The following ZNF416 variants were observed in gnomAD, a reference collection of about 807,000 sequenced individuals.
ZNF416 encodes zinc finger protein 416.
In ZNF416, 5 loss-of-function variants were observed where a neutral mutation model predicts 10.9. That is an observed-to-expected ratio of 0.46 (90% CI 0.24 to 0.97). The LOEUF (loss-of-function observed/expected upper bound fraction) is 0.97, where lower values mean the gene tolerates loss of function less well. Ranked by LOEUF, ZNF416 falls within the 50% of genes least tolerant of loss-of-function variation. The probability of loss-of-function intolerance (pLI) is 0.19; values close to 1 mark genes in which losing one functional copy is unlikely to be tolerated. For missense variants in ZNF416, 675 were observed against 715.0 expected, an observed-to-expected ratio of 0.94 and a Z score of 0.64; for synonymous variants, 267 against 251.8, an observed-to-expected ratio of 1.06 and a Z score of -0.57.
At position 57,575,695 on chromosome 19, in the gene ZNF416, C is replaced by G; in HGVS notation, c.202+109G>C. 6.9e-7 allele frequency: 1 copy of G among 1,455,134 alleles called. No homozygotes were observed. The highest frequency in any genetic ancestry group is 9.6e-7 in the Non-Finnish European group (1 of 1,038,016). 90.1% of individuals were successfully genotyped at this position (1,455,134 alleles called of 1,614,324 possible). A position where few individuals can be genotyped will look rare whatever the true frequency, so the allele number is the denominator to read the frequency against. On this transcript the variant is annotated intron_variant, in intron 3 of 3. Transcript: ENST00000196489. The surrounding 1 kb of genome is among the most constrained non-coding windows in gnomAD (Gnocchi z 4.4). Reference sequence around the variant, plus strand: ...TTCATTCCTTACACCACAGCACATACGCCAAGACAGTGGGGAAGTCAGCAA... The same window carrying G: ...TTCATTCCTTACACCACAGCACATAGGCCAAGACAGTGGGGAAGTCAGCAA...
At chr19:57,576,824 G>A (rs1428510055) in intron 2 of ZNF416, among the ~76,000 whole-genome samples, 2 of 152,078 alleles carry the variant, frequency 1.3e-5, no homozygotes, top group Non-Finnish European at 2.9e-5. Context: ...CCAGAGTGCT[G>A]AGTAAGCACT....
In ZNF416 at chr19:57,575,828, T is replaced by C. The variant is rs1978510997; in HGVS notation, c.178A>G (p.Asn60Asp). ...CCCAGCGCAGTTATAAGTGCAAAGTTCTCCAGCATCACATCGCGGTACAGG... is the reference window on the plus strand; with the variant it reads ...CCCAGCGCAGTTATAAGTGCAAAGTCCTCCAGCATCACATCGCGGTACAGG... ...RLLYRDVMLE[N>D]FALITALVCW... The change falls in exon 3 of 4, where the codon AAC (asparagine) becomes GAC (aspartate). Residue 60 changes from asparagine (N) to aspartate (D), a missense_variant. Coordinates refer to ENST00000196489, the MANE Select transcript of ZNF416 (RefSeq NM_017879.3). The surrounding 1 kb of genome is among the most constrained non-coding windows in gnomAD (Gnocchi z 4.4). 6.2e-7 allele frequency: 1 copy of C among 1,613,944 alleles called. No homozygotes were observed. Among genetic ancestry groups the C allele is most frequent in the Non-Finnish European group, 8.5e-7 (1 of 1,179,968 alleles).
Position 57,578,809 on chromosome 19 carries a change from G to C in ZNF416, c.-105C>G, listed in dbSNP as rs1978654745. 7.2e-5 allele frequency: 86 copies of C among 1,196,832 alleles called. No homozygotes were observed. The South Asian group carries it at 1.6e-3, about 23-fold the overall frequency. 74.1% of individuals were successfully genotyped at this position (1,196,832 alleles called of 1,614,324 possible). On this transcript the variant is annotated 5_prime_UTR_variant, in exon 1 of 4. Transcript: ENST00000196489. ...GACCCACCGGCTGATGCGCAGCGGG[G>C]CGACCCCCGCTCTGTGCCGGAGGCA...
In ZNF416 at chr19:57,575,563, G is replaced by T. The variant is rs1476384738; in HGVS notation, c.202+241C>A. Among the ~76,000 whole-genome samples the T allele has an allele frequency of 6.6e-6, 1 of 152,152 alleles. No individual in the cohort carries two copies. The highest frequency in any genetic ancestry group is 2.4e-5 in the African/African-American group (1 of 41,430). On this transcript the variant is annotated intron_variant, in intron 3 of 3. Coordinates refer to ENST00000196489, the MANE Select transcript of ZNF416 (RefSeq NM_017879.3). The surrounding 1 kb of genome is among the most constrained non-coding windows in gnomAD (Gnocchi z 4.4). Reference sequence around the variant, plus strand: ...CACAGCCACCCAAAGAGGAAGTGAAGAAGTAAACGGAGATGCATTAGGCTG... The same window carrying T: ...CACAGCCACCCAAAGAGGAAGTGAATAAGTAAACGGAGATGCATTAGGCTG...
intron 2 of ZNF416, 122 bp downstream of exon 2, chr19:57,577,935 G>T: frequency 9.2e-7 from 1 of 1,086,508 alleles, no homozygotes; most frequent in Non-Finnish European, 1.4e-6. Flanking sequence ...TGGGACTGAT[G>T]TTTGTTCAGG....
chr19:57,575,953 T>C lies in ZNF416; in HGVS notation c.76-23A>G. 1 of 1,609,670 alleles carries C rather than the reference T, an allele frequency of 6.2e-7. No individual in the cohort carries two copies. Among genetic ancestry groups the C allele is most frequent in the Non-Finnish European group, 8.5e-7 (1 of 1,177,484 alleles). ...GCCCTGCCATGATGGGGATAGATCT[T>C]TCCATGATCAGATTCTCTCCTAGGA... On this transcript the variant is annotated intron_variant, in intron 2 of 3. Coordinates refer to ENST00000196489, the MANE Select transcript of ZNF416 (RefSeq NM_017879.3). This position sits in a 1 kb window ranked among gnomAD's most constrained non-coding sequence, Gnocchi z 4.4.
chr19:57,576,689 G>GC (rs1339486223), intron 2 of ZNF416, among the ~76,000 whole-genome samples: 4 of 151,840 alleles, frequency 2.6e-5, no homozygotes, highest in Non-Finnish European at 5.9e-5. Flanking sequence ...TTCAAAGTCT[G>GC]CCCCAGGGGA....
In ZNF416 at chr19:57,572,601, C is replaced by T; in HGVS notation, c.1303G>A (p.Ala435Thr). ...CACTCATCACACTCAAAGGGCCTAG[C>T]TCCACTGTGAATTAACTGGTGCTGA... Reference protein sequence around the residue: ...LIQHQLIHSGARPFECDECGK... With the variant: ...LIQHQLIHSGTRPFECDECGK... The change falls in exon 4 of 4, where the codon GCT becomes ACT. Residue 435 changes from alanine (A) to threonine (T), a missense_variant. By Grantham distance (58) the Ala-to-Thr change is moderately conservative (BLOSUM62 0). Coordinates refer to ENST00000196489, the MANE Select transcript of ZNF416 (RefSeq NM_017879.3). The surrounding 1 kb of genome is among the most constrained non-coding windows in gnomAD (Gnocchi z 4.5). 1 of 1,614,148 alleles carries T rather than the reference C, an allele frequency of 6.2e-7. No homozygotes were observed. Among genetic ancestry groups the T allele is most frequent in the Non-Finnish European group, 8.5e-7 (1 of 1,180,028 alleles).
chr19:57,578,135 A>G (rs1978612702), intron 1 of ZNF416, 37 bp from the exon 2 acceptor site: 2 of 1,612,756 alleles, frequency 1.2e-6, no homozygotes, highest in East Asian at 2.2e-5. Flanking sequence ...GCAGGTAACT[A>G]TGGTGGAAGC....
chr19:57,574,896 T>C (rs1254733024), intron 3 of ZNF416, among the ~76,000 whole-genome samples: 1 of 152,100 alleles, frequency 6.6e-6, no homozygotes, highest in Admixed American at 6.5e-5. Context: ...AAGAAATATT[T>C]AATTGGCATG....
At chr19:57,574,748 T>C (rs1978467457) in intron 3 of ZNF416, among the ~76,000 whole-genome samples, 1 of 152,112 alleles carries the variant, frequency 6.6e-6, no homozygotes, top group African/African-American at 2.4e-5. Flanking sequence ...GGGTCTCCAA[T>C]CTATTCTTTT....
rs950549618 is a variant in ZNF416 at position 57,572,485 on chromosome 19, T to C, written c.1419A>G (p.Lys473=). 2.0e-5 allele frequency: 32 copies of C among 1,613,952 alleles called. No individual in the cohort carries two copies. Among genetic ancestry groups the C allele is most frequent in the Non-Finnish European group, 2.6e-5 (31 of 1,180,026 alleles). ...CAAGTTTAGATTTGAACATAAAAGC[T>C]TTCCCACATTCCCCACATACATAAG... is the stretch of plus-strand genomic sequence containing the variant. ...ERPYVCGECG[K]AFMFKSKLVR... is the part of the protein sequence containing the mutation. Residue 473 remains lysine (K), a synonymous_variant, in exon 4 of 4, where the codon AAA becomes AAG. Transcript: ENST00000196489. This position sits in a 1 kb window ranked among gnomAD's most constrained non-coding sequence, Gnocchi z 4.5.
In ZNF416 at chr19:57,575,775, G is replaced by C. The variant is rs377684079; in HGVS notation, c.202+29C>G. 250 of 1,613,810 alleles carry C rather than the reference G, an allele frequency of 1.5e-4. 3 individuals carry two copies. The East Asian group carries it at 2.5e-3, about 16-fold the overall frequency. ...GGAAAAAGAGGATAGACGAAGACCAGGACACGAGAGTGGGTGTGAGGGCCT... is the reference window on the plus strand; with the variant it reads ...GGAAAAAGAGGATAGACGAAGACCACGACACGAGAGTGGGTGTGAGGGCCT... On this transcript the variant is annotated intron_variant, in intron 3 of 3. Transcript: ENST00000196489. The surrounding 1 kb of genome is among the most constrained non-coding windows in gnomAD (Gnocchi z 4.4).
chr19:57,573,841 G>C (rs936153436), intron 3 of ZNF416, 140 bp from the exon 4 acceptor site: 2 of 1,064,772 alleles, frequency 1.9e-6, no homozygotes, highest in African/African-American at 1.6e-5. Context: ...TTTGAGACCA[G>C]TCTGGGCAAT....
chr19:57,573,026 G>A lies in ZNF416; in HGVS notation c.878C>T (p.Thr293Ile), dbSNP rs915872212. Residue 293 changes from threonine (T) to isoleucine (I), a missense_variant, in exon 4 of 4, where the codon ACT (threonine) becomes ATT (isoleucine). Thr to Ile is a moderately conservative substitution (Grantham distance 89, BLOSUM62 -1). Transcript: ENST00000196489. Reference protein sequence around the residue: ...SHLNDHRRIHTGERPYVCGQC... With the variant: ...SHLNDHRRIHIGERPYVCGQC... ...ACCACACACATAAGGCCTTTCTCCA[G>A]TGTGGATTCTCCGATGATCATTCAG... 3 of 1,614,100 alleles carry A rather than the reference G, an allele frequency of 1.9e-6. No individual in the cohort carries two copies. Among genetic ancestry groups the A allele is most frequent in the Non-Finnish European group, 2.5e-6 (3 of 1,180,048 alleles).
rs776827968 is a variant in ZNF416 at position 57,578,054 on chromosome 19, C to T, written c.75+3G>A. On this transcript the variant is annotated splice_donor_region_variant and intron_variant, in intron 2 of 3. Coordinates refer to ENST00000196489, the MANE Select transcript of ZNF416 (RefSeq NM_017879.3). The stretch of plus-strand genomic sequence containing the variant: ...GTGAGGGCCCGAAACACTCTCCACT[C>T]ACCTGTGTAAAGCCCATAAGTTTAG... 3.1e-6 allele frequency: 5 copies of T among 1,614,168 alleles called. No homozygotes were observed. In the South Asian group the frequency reaches 5.5e-5, roughly 18 times the overall value.
chr19:57,572,076 C>A lies in ZNF416; in HGVS notation c.*43G>T, dbSNP rs762849552. ...ACACTGAAGAAAGACATGGCACATT[C>A]CCTGCAGGTCTAAGGCTTTTCTCAG... On this transcript the variant is annotated 3_prime_UTR_variant, in exon 4 of 4. Coordinates refer to ENST00000196489, the MANE Select transcript of ZNF416 (RefSeq NM_017879.3). The surrounding 1 kb of genome is among the most constrained non-coding windows in gnomAD (Gnocchi z 4.5). The A allele has an allele frequency of 1.3e-6, 2 of 1,575,442 alleles. No individual in the cohort carries two copies. Among genetic ancestry groups the A allele is most frequent in the Admixed American group, 1.8e-5 (1 of 56,522 alleles).
At chr19:57,578,159 G>A in intron 1 of ZNF416, 61 bp from the exon 2 acceptor site, 1 of 1,560,978 alleles carries the variant, frequency 6.4e-7, no homozygotes, top group South Asian at 1.1e-5. Context: ...ATGGGCTGAT[G>A]CCTCCTTGTT....
chr19:57,573,618 C>T lies in ZNF416; in HGVS notation c.286G>A (p.Ala96Thr). 4 of 1,614,188 alleles carry T rather than the reference C, an allele frequency of 2.5e-6. No homozygotes were observed. Among genetic ancestry groups the T allele is most frequent in the Non-Finnish European group, 3.4e-6 (4 of 1,180,040 alleles). ...TGAATCTTCTGGGTGGATGGACTGG[C>T]CTCTGGAGTCCTGACCTGAGGTACT... ...EGVPQVRTPE[A>T]SPSTQKIQSC... The change falls in exon 4 of 4, where the codon GCC becomes ACC. Residue 96 changes from alanine to threonine, a missense_variant. Transcript: ENST00000196489.
Sources: allele counts gnomAD v4.1 joint callset (sites outside exome capture counted in the v4.1 genomes callset), GRCh38; gene constraint gnomAD v4.1.1; non-coding constraint Gnocchi (gnomAD v3.1); transcripts MANE v1.5; gene names NCBI Gene and HGNC (gene_info 2026-07-23, HGNC 2026-07-21).